The following IGF2BP2 variants were observed in gnomAD, a reference collection of about 807,000 sequenced individuals.
The protein encoded by IGF2BP2 is insulin-like growth factor 2 mRNA-binding protein 2.
In IGF2BP2, 17 loss-of-function variants were observed where a neutral mutation model predicts 75.8. That is an observed-to-expected ratio of 0.22 (90% CI 0.15 to 0.34). The LOEUF (loss-of-function observed/expected upper bound fraction) is 0.34, where lower values mean the gene tolerates loss of function less well. Among genes scored for constraint, IGF2BP2 ranks in the 10% least tolerant of loss-of-function variants. The pLI is 1.00. For missense variants in IGF2BP2, 516 were observed against 772.4 expected, an observed-to-expected ratio of 0.67 and a Z score of 3.93; for synonymous variants, 288 against 295.6, an observed-to-expected ratio of 0.97 and a Z score of 0.26.
chr3:185,783,533 G>A (rs561042134), intron 2 of IGF2BP2, among the ~76,000 whole-genome samples: 9 of 152,332 alleles, frequency 5.9e-5, no homozygotes, highest in African/African-American at 1.7e-4. Flanking sequence ...TATGAGAGCC[G>A]TTACTTGGTC....
chr3:185,690,779 A>G (rs1310628907), intron 5 of IGF2BP2, among the ~76,000 whole-genome samples: 1 of 152,210 alleles, frequency 6.6e-6, no homozygotes, highest in African/African-American at 2.4e-5. Flanking sequence ...GAGCGCTGTT[A>G]TTTAAAGATA....
chr3:185,674,722 A>G (rs774060146), intron 9 of IGF2BP2, among the ~76,000 whole-genome samples: 2 of 152,178 alleles, frequency 1.3e-5, no homozygotes, highest in Non-Finnish European at 2.9e-5. Flanking sequence ...TACATGGAAA[A>G]AATCCCACTT....
intron 2 of IGF2BP2, among the ~76,000 whole-genome samples, chr3:185,741,921 AC>A (rs1438499074): frequency 6.6e-6 from 1 of 152,050 alleles, no homozygotes; most frequent in Non-Finnish European, 1.5e-5. Context: ...AACATGAACA[AC>A]CCCTCTTACT....
rs890381296 is a variant in IGF2BP2 at position 185,644,883 on chromosome 3, T to G, written c.*648A>C. The stretch of plus-strand genomic sequence containing the variant: ...CCGTGAGTGTCCTTCCGACGAGATT[T>G]CCCTCTGGGTGAATTTTGTGCGGGT... On this transcript the variant is annotated 3_prime_UTR_variant, in exon 16 of 16. Coordinates refer to ENST00000382199, the MANE Select transcript of IGF2BP2 (RefSeq NM_006548.6). The G allele has an allele frequency of 1.7e-4, 26 of 152,546 alleles. No individual in the cohort carries two copies. The highest frequency in any genetic ancestry group is 3.2e-3 in the Middle Eastern group (1 of 316). 9.4% of individuals were successfully genotyped at this position (152,546 alleles called of 1,614,324 possible).
intron 3 of IGF2BP2, 125 bp downstream of exon 3, chr3:185,698,174 A>C (rs996116663): frequency 3.1e-5 from 24 of 768,782 alleles, no homozygotes; most frequent in African/African-American, 1.7e-5. Context: ...AGGGTACTGA[A>C]AAGAAAGAGG....
At chr3:185,727,703 T>G (rs1469880356) in intron 2 of IGF2BP2, among the ~76,000 whole-genome samples, 1 of 152,148 alleles carries the variant, frequency 6.6e-6, no homozygotes, top group African/African-American at 2.4e-5. Flanking sequence ...TATTATAAAT[T>G]AGATGGAGTG....
At chr3:185,758,375 T>C (rs1731913397) in intron 2 of IGF2BP2, among the ~76,000 whole-genome samples, 1 of 152,174 alleles carries the variant, frequency 6.6e-6, no homozygotes, top group Non-Finnish European at 1.5e-5. Flanking sequence ...AAAACCTGGG[T>C]CTGACTGCTG....
At chr3:185,736,538 T>A (rs1307344675) in intron 2 of IGF2BP2, among the ~76,000 whole-genome samples, 1 of 152,198 alleles carries the variant, frequency 6.6e-6, no homozygotes, top group African/African-American at 2.4e-5. Context: ...TCCCTACCCA[T>A]GCGATGGCAA....
At chr3:185,797,274 A>C (rs534584378) in intron 2 of IGF2BP2, among the ~76,000 whole-genome samples, 1 of 152,324 alleles carries the variant, frequency 6.6e-6, no homozygotes, top group Non-Finnish European at 1.5e-5. Context: ...ACAATGTAGG[A>C]AAGTGAGGTG....
At chr3:185,802,358 G>A (rs763464303) in intron 2 of IGF2BP2, among the ~76,000 whole-genome samples, 3 of 152,166 alleles carry the variant, frequency 2.0e-5, no homozygotes, top group Non-Finnish European at 2.9e-5. Flanking sequence ...GGCTGGTGTT[G>A]GAATGGTAAG....
At chr3:185,648,510 T>C (rs150167739) in intron 14 of IGF2BP2, among the ~76,000 whole-genome samples, 9 of 139,984 alleles carry the variant, frequency 6.4e-5, no homozygotes, top group African/African-American at 2.4e-4. Context: ...ATAACACACA[T>C]ATACATATAT....
At chr3:185,677,064 TATATAGAGAGAGAGAGAG>T (rs1159439929) in intron 7 of IGF2BP2, among the ~76,000 whole-genome samples, 4 of 45,766 alleles carry the variant, frequency 8.7e-5, no homozygotes, top group Non-Finnish European at 1.6e-4. Context: ...TATATATATA[TATATAGAGAGAGAGAGAG>T]AGAGAGAGAG....
chr3:185,665,325 G>A (rs1717214857), intron 10 of IGF2BP2, among the ~76,000 whole-genome samples: 2 of 105,094 alleles, frequency 1.9e-5, no homozygotes, highest in African/African-American at 8.7e-5. Context: ...AGGAGAAGGA[G>A]GAGGAGGAGG....
intron 2 of IGF2BP2, chr3:185,713,448 C>CT (rs1191001849): frequency 3.8e-6 from 2 of 519,908 alleles, no homozygotes; most frequent in Non-Finnish European, 3.8e-6. Flanking sequence ...CACTAGATAA[C>CT]TGTCTAAGGC....
intron 10 of IGF2BP2, among the ~76,000 whole-genome samples, chr3:185,665,502 G>GGAGGAA (rs1717373070): frequency 3.1e-5 from 1 of 31,748 alleles, no homozygotes; most frequent in Non-Finnish European, 6.0e-5. Flanking sequence ...AGGAGGAGGA[G>GGAGGAA]AAGGAGGAGG....
At position 185,665,611 on chromosome 3, in the gene IGF2BP2, G is replaced by A. The variant is rs192596150; in HGVS notation, c.1200+6930C>T. ...GAAGAAGAAGAAAAGGAAGAAGAAGGAGGAGGAGGAGGAGGATATCTACAA... is the reference window on the plus strand; with the variant it reads ...GAAGAAGAAGAAAAGGAAGAAGAAGAAGGAGGAGGAGGAGGATATCTACAA... On this transcript the variant is annotated intron_variant, in intron 10 of 15. Coordinates refer to ENST00000382199, the MANE Select transcript of IGF2BP2 (RefSeq NM_006548.6). Among the ~76,000 whole-genome samples the A allele has an allele frequency of 2.5e-3, 375 of 150,802 alleles. 2 individuals are homozygous for A. The highest frequency in any genetic ancestry group is 4.3e-3 in the Non-Finnish European group (288 of 67,570).
chr3:185,823,962 A>C (rs1741698925), intron 1 of IGF2BP2, among the ~76,000 whole-genome samples: 3 of 151,990 alleles, frequency 2.0e-5, no homozygotes. Context: ...CCTGGCCCCC[A>C]CCGAGTTGAG....
chr3:185,752,826 A>AC (rs1731136743), intron 2 of IGF2BP2, among the ~76,000 whole-genome samples: 2 of 152,120 alleles, frequency 1.3e-5, no homozygotes, highest in Non-Finnish European at 2.9e-5. Context: ...CGAACTCCTA[A>AC]CCTCAAGTGA....
chr3:185,672,127 CAT>C (rs1718600055), intron 10 of IGF2BP2, among the ~76,000 whole-genome samples: 1 of 152,162 alleles, frequency 6.6e-6, no homozygotes, highest in African/African-American at 2.4e-5. Context: ...GACTTGTAAA[CAT>C]AGGTAGAAAC....
Sources: allele counts gnomAD v4.1 joint callset (sites outside exome capture counted in the v4.1 genomes callset), GRCh38; gene constraint gnomAD v4.1.1; transcripts MANE v1.5; gene names NCBI Gene and HGNC (gene_info 2026-07-23, HGNC 2026-07-21).